The following MTX2 variants were observed in gnomAD, a reference collection of about 807,000 sequenced individuals.
The protein encoded by MTX2 is metaxin-2.
MTX2 carries 35 observed loss-of-function variants against 42.3 expected under a neutral mutation model. The ratio of observed to expected loss-of-function variants is 0.83; its 90% CI spans 0.63 to 1.10. The LOEUF is 1.10. Ranked by LOEUF, MTX2 falls within the 50% of genes least tolerant of loss-of-function variation. The pLI is 0.00. For missense variants in MTX2, 307 were observed against 304.1 expected (o/e 1.01, Z -0.07); for synonymous variants, 119 against 100.9 (o/e 1.18, Z -1.08).
chr2:176,290,741 ATAAC>A lies in MTX2; in HGVS notation c.41-6116_41-6113del, dbSNP rs1458084311. On this transcript the variant is annotated intron_variant, in intron 1 of 9. Coordinates refer to ENST00000249442, the MANE Select transcript of MTX2 (RefSeq NM_006554.5). ...TTTCAACTTTGGGCACTCCTAGGGA[ATAAC>A]TAGTTTTTTTTTTTTTTTTTCCTCT... is the stretch of plus-strand genomic sequence containing the variant. Among the ~76,000 whole-genome samples the A allele has an allele frequency of 4.7e-5, 7 of 149,540 alleles. No homozygotes were observed. In the South Asian group the frequency reaches 1.5e-3, roughly 32 times the overall value.
chr2:176,333,816 C>T (rs989185710), intron 9 of MTX2, among the ~76,000 whole-genome samples: 42 of 151,538 alleles, frequency 2.8e-4, no homozygotes, highest in African/African-American at 9.4e-4. Flanking sequence ...CTACAGTATT[C>T]TGTTTGGCAA....
In MTX2 at chr2:176,297,856, A is replaced by G. The variant is rs751229333; in HGVS notation, c.96A>G (p.Gln32=). ...ATLYQQLKGE[Q]ILLSDNAASL... The stretch of plus-strand genomic sequence containing the variant: ...TTCATTGTATTTCCACAGGGGAGCA[A>G]ATTTTACTTTCTGACAATGCAGCTT... Residue 32 remains glutamine, a synonymous_variant, in exon 3 of 10, where the codon CAA becomes CAG. Transcript: ENST00000249442. The G allele has an allele frequency of 1.3e-6, 2 of 1,564,936 alleles. No homozygotes were observed. Among genetic ancestry groups the G allele is most frequent in the Non-Finnish European group, 1.7e-6 (2 of 1,152,308 alleles).
chr2:176,282,614 T>G (rs556096415), intron 1 of MTX2, among the ~76,000 whole-genome samples: 1 of 152,292 alleles, frequency 6.6e-6, no homozygotes, highest in Non-Finnish European at 1.5e-5. Context: ...TTATACACAC[T>G]TTTGTTCTAA....
At chr2:176,312,308 A>G (rs1684334666) in intron 3 of MTX2, among the ~76,000 whole-genome samples, 1 of 152,106 alleles carries the variant, frequency 6.6e-6, no homozygotes. Flanking sequence ...GCAAATGTTT[A>G]TTGAGACTTT....
intron 7 of MTX2, 121 bp from the exon 8 acceptor site, chr2:176,329,180 A>C: frequency 8.2e-7 from 1 of 1,213,254 alleles, no homozygotes; most frequent in Non-Finnish European, 1.1e-6. Flanking sequence ...CAGGATGTGT[A>C]TTTTTTTCAG....
In MTX2 at chr2:176,294,689, C is replaced by T. The variant is rs149927331; in HGVS notation, c.41-2171C>T. Among the ~76,000 whole-genome samples the T allele has an allele frequency of 8.7e-3, 1,324 of 152,316 alleles. 23 individuals carry two copies. The highest frequency in any genetic ancestry group is 0.03 in the African/African-American group (1,247 of 41,572). Reference sequence around the variant, plus strand: ...CTGATTTATCAGAGAACACTTAAATCATATTCAGCATATGTTTAATGCTAG... The same window carrying T: ...CTGATTTATCAGAGAACACTTAAATTATATTCAGCATATGTTTAATGCTAG... On this transcript the variant is annotated intron_variant, in intron 1 of 9. Transcript: ENST00000249442.
intron 1 of MTX2, among the ~76,000 whole-genome samples, chr2:176,282,982 G>A (rs896095329): frequency 2.6e-5 from 4 of 152,096 alleles, no homozygotes; most frequent in African/African-American, 7.2e-5. Flanking sequence ...GATTACAGGC[G>A]TGAGCAATCA....
chr2:176,279,151 C>T (rs1693021099), intron 1 of MTX2, among the ~76,000 whole-genome samples: 1 of 152,022 alleles, frequency 6.6e-6, no homozygotes, highest in Non-Finnish European at 1.5e-5. Flanking sequence ...TCTCTAAGAA[C>T]TTGTATAAGC....
chr2:176,309,559 T>A (rs1001213545), intron 3 of MTX2, among the ~76,000 whole-genome samples: 1 of 152,172 alleles, frequency 6.6e-6, no homozygotes, highest in Non-Finnish European at 1.5e-5. Flanking sequence ...GGACTTGCTT[T>A]ATGAATCTGG....
chr2:176,318,292 A>G (rs2105435111), intron 3 of MTX2, among the ~76,000 whole-genome samples: 1 of 152,104 alleles, frequency 6.6e-6, no homozygotes, highest in African/African-American at 2.4e-5. Flanking sequence ...TACCCCTGAT[A>G]CCTTACCCCT....
At chr2:176,325,951 C>T (rs1410295890) in intron 4 of MTX2, among the ~76,000 whole-genome samples, 2 of 150,714 alleles carry the variant, frequency 1.3e-5, no homozygotes. Context: ...TCATCCATTA[C>T]CCCCAGGCTG....
At chr2:176,290,626 C>G (rs905319190) in intron 1 of MTX2, among the ~76,000 whole-genome samples, 2 of 151,914 alleles carry the variant, frequency 1.3e-5, no homozygotes, top group East Asian at 1.9e-4. Context: ...TCTCATGATT[C>G]ATAGATTTAC....
chr2:176,307,458 A>G (rs1299732940), intron 3 of MTX2, among the ~76,000 whole-genome samples: 1 of 152,172 alleles, frequency 6.6e-6, no homozygotes, highest in Non-Finnish European at 1.5e-5. Context: ...TGGTAGCTTG[A>G]TGGGGATGGC....
chr2:176,309,979 A>G (rs1277447772), intron 3 of MTX2, among the ~76,000 whole-genome samples: 1 of 151,508 alleles, frequency 6.6e-6, no homozygotes, highest in East Asian at 1.9e-4. Context: ...CCTGTTAATT[A>G]ATGCAGTTTC....
Position 176,306,758 on chromosome 2 carries a change from G to GT in MTX2, c.135+8870dup, listed in dbSNP as rs1441013327. Among the ~76,000 whole-genome samples the GT allele has an allele frequency of 2.6e-5, 4 of 151,946 alleles. No individual in the cohort carries two copies. In the East Asian group the frequency reaches 5.8e-4, roughly 22 times the overall value. ...CCTTTGCTCACTTTTTGATGGGGTT[G>GT]TTTTTTTCTTGTAAATTTTTTTGAG... On this transcript the variant is annotated intron_variant, in intron 3 of 9. Coordinates refer to ENST00000249442, the MANE Select transcript of MTX2 (RefSeq NM_006554.5).
rs147132981 is a variant in MTX2, at chr2:176,270,913, T to C, written c.40+1244T>C. Among the ~76,000 whole-genome samples the C allele has an allele frequency of 3.7e-3, 565 of 152,306 alleles. 6 individuals carry two copies. Among genetic ancestry groups the C allele is most frequent in the East Asian group, 0.036 (188 of 5,182 alleles). On this transcript the variant is annotated intron_variant, in intron 1 of 9. Transcript: ENST00000249442. The stretch of plus-strand genomic sequence containing the variant: ...TGATTATTTCTGCTTTTACCATTTA[T>C]GTTGAAACAAAATCAGGCTTATATA...
Position 176,272,986 on chromosome 2 carries a change from C to T in MTX2, c.40+3317C>T, listed in dbSNP as rs958698648. 5.9e-5 allele frequency among the ~76,000 whole-genome samples: 9 copies of T among 152,268 alleles called. 1 individual carries two copies. The South Asian group carries it at 1.9e-3, about 32-fold the overall frequency. On this transcript the variant is annotated intron_variant, in intron 1 of 9. Transcript: ENST00000249442. ...AGGTAAGTTACAAAGAAAAAAAATT[C>T]AAGTCTCACATTTTGGGAGGCAACG...
chr2:176,323,465 G>A lies in MTX2; in HGVS notation c.208+1G>A, dbSNP rs752452366. 1 of 1,608,240 alleles carries A rather than the reference G, an allele frequency of 6.2e-7. No individual in the cohort carries two copies. The highest frequency in any genetic ancestry group is 1.7e-5 in the Admixed American group (1 of 59,848). ...AATGCAGAATATATGTCTCCATCTG[G>A]TAAGTGTGTTTTTTTTTCTTCTCTG... On this transcript the variant is annotated splice_donor_variant, in intron 4 of 9. Transcript: ENST00000249442. LOFTEE classifies it high-confidence loss of function.
At chr2:176,318,958 C>T (rs1684509795) in intron 3 of MTX2, among the ~76,000 whole-genome samples, 1 of 152,138 alleles carries the variant, frequency 6.6e-6, no homozygotes, top group Admixed American at 6.6e-5. Flanking sequence ...TTTATTCAAA[C>T]ATTAATTAAG....
Sources: gnomAD v4.1 joint callset for allele counts (sites outside exome capture counted in the v4.1 genomes callset) on GRCh38, gnomAD v4.1.1 for gene constraint, MANE v1.5 for transcripts, NCBI Gene and HGNC (gene_info 2026-07-23, HGNC 2026-07-21) for gene names.